Variants in MAPK10 observed in about 807,000 individuals in gnomAD.
MAPK10 encodes JNK3 alpha protein kinase.
MAPK10 carries 25 observed loss-of-function variants against 59.3 expected under a neutral mutation model. The observed-to-expected ratio is 0.42, with a 90% confidence interval of 0.31 to 0.59. The LOEUF is 0.59. Ranked by LOEUF, MAPK10 falls within the 20% of genes least tolerant of loss-of-function variation. The probability of loss-of-function intolerance (pLI) is 0.15; values close to 1 mark genes in which losing one functional copy is unlikely to be tolerated. For missense variants in MAPK10, 351 were observed against 568.9 expected (o/e 0.62, Z 3.90); for synonymous variants, 190 against 200.5 (o/e 0.95, Z 0.44).
intron 6 of MAPK10, 180 bp downstream of exon 6, chr4:86,103,006 A>G (rs1045477427): frequency 2.1e-6 from 1 of 484,174 alleles, no homozygotes; most frequent in South Asian, 3.9e-5. Context: ...TCTTCTTTAC[A>G]TATCACTGGA....
intron 2 of MAPK10, among the ~76,000 whole-genome samples, chr4:86,224,958 G>A (rs899211152): frequency 2.0e-5 from 3 of 152,200 alleles, no homozygotes. Flanking sequence ...ATAGACAGCA[G>A]ATGTTTAGTT....
intron 2 of MAPK10, among the ~76,000 whole-genome samples, chr4:86,253,862 G>A (rs1307136061): frequency 1.8e-5 from 1 of 56,636 alleles, no homozygotes; most frequent in East Asian, 4.0e-4. Context: ...TCCTGTTATT[G>A]GTCTATTCAG....
intron 3 of MAPK10, among the ~76,000 whole-genome samples, chr4:86,174,081 G>A (rs887301097): frequency 1.3e-5 from 2 of 152,156 alleles, no homozygotes; most frequent in East Asian, 3.9e-4. Flanking sequence ...CAAGGATCTA[G>A]AACCGGAAAT....
Position 86,183,205 on chromosome 4 carries a change from T to C in MAPK10, c.66+11131A>G, listed in dbSNP as rs541479130. ...GCACATTGTGCAGGTTAGTTACATATGTATACATGTGCCATGTTGGTGTGC... is the reference window on the plus strand; with the variant it reads ...GCACATTGTGCAGGTTAGTTACATACGTATACATGTGCCATGTTGGTGTGC... On this transcript the variant is annotated intron_variant, in intron 3 of 13. Coordinates refer to ENST00000641462, the MANE Select transcript of MAPK10 (RefSeq NM_138982.4). Among the ~76,000 whole-genome samples the C allele has an allele frequency of 2.6e-4, 40 of 152,178 alleles. No individual in the cohort carries two copies. The South Asian group carries it at 7.1e-3, about 27-fold the overall frequency.
chr4:86,528,294 C>T (rs1292804788), intron 1 of MAPK10, among the ~76,000 whole-genome samples: 1 of 151,342 alleles, frequency 6.6e-6, no homozygotes, highest in African/African-American at 2.4e-5. Context: ...TGATATAGAA[C>T]TAGATGACTA....
chr4:86,490,740 T>A (rs987986288), intron 1 of MAPK10, among the ~76,000 whole-genome samples: 1 of 152,224 alleles, frequency 6.6e-6, no homozygotes, highest in Non-Finnish European at 1.5e-5. Flanking sequence ...CTAATTCATA[T>A]GCTCAAATGA....
At chr4:86,186,684 C>G (rs1017193165) in intron 3 of MAPK10, among the ~76,000 whole-genome samples, 3 of 152,076 alleles carry the variant, frequency 2.0e-5, no homozygotes, top group Non-Finnish European at 2.9e-5. Flanking sequence ...AAGGGAAGCT[C>G]TCTGCTTAAG....
At chr4:86,044,606 A>G (rs2042176424) in intron 11 of MAPK10, 1 of 395,436 alleles carries the variant, frequency 2.5e-6, no homozygotes, top group East Asian at 3.6e-5. Context: ...GGACAGATAT[A>G]TCATATACTA....
chr4:86,189,225 G>A (rs1417684421), intron 3 of MAPK10, among the ~76,000 whole-genome samples: 1 of 152,018 alleles, frequency 6.6e-6, no homozygotes. Context: ...TTGGCTTTAT[G>A]GGCTCTTTTT....
At chr4:86,134,724 G>A (rs896224929) in intron 4 of MAPK10, among the ~76,000 whole-genome samples, 2 of 152,232 alleles carry the variant, frequency 1.3e-5, no homozygotes, top group Admixed American at 6.5e-5. Context: ...ACAGCTCCCA[G>A]CGTGAGCGAC....
chr4:86,292,779 G>T (rs1368605885), intron 2 of MAPK10, among the ~76,000 whole-genome samples: 1 of 152,074 alleles, frequency 6.6e-6, no homozygotes, highest in Non-Finnish European at 1.5e-5. Flanking sequence ...CAAGTCAAAG[G>T]GTGAGGACAG....
intron 2 of MAPK10, among the ~76,000 whole-genome samples, chr4:86,333,136 A>T (rs2096194678): frequency 6.6e-6 from 1 of 152,122 alleles, no homozygotes; most frequent in Non-Finnish European, 1.5e-5. Context: ...AAAACCAACA[A>T]ATTCAATAAC....
chr4:86,111,078 A>G (rs1173368234), intron 4 of MAPK10, among the ~76,000 whole-genome samples: 2 of 152,174 alleles, frequency 1.3e-5, no homozygotes, highest in African/African-American at 4.8e-5. Context: ...TTAAATTTGT[A>G]TCCTGAAAGC....
chr4:86,577,807 CAG>C (rs561736801), intron 1 of MAPK10, among the ~76,000 whole-genome samples: 38 of 151,960 alleles, frequency 2.5e-4, no homozygotes, highest in Admixed American at 7.9e-4. Context: ...ATTGGAAAAA[CAG>C]GGGCATGAAA....
rs893488598 is a variant in MAPK10, at chr4:86,238,543, C to T, written c.-6-44136G>A. ...TCCTTGAGCAGTGGTTTGTAGTTCT[C>T]TTTGAAGATATCCTTCACATCCCTT... On this transcript the variant is annotated intron_variant, in intron 2 of 13. Coordinates refer to ENST00000641462, the MANE Select transcript of MAPK10 (RefSeq NM_138982.4). Among the ~76,000 whole-genome samples the T allele has an allele frequency of 3.7e-4, 56 of 152,028 alleles. 1 individual carries two copies. The highest frequency in any genetic ancestry group is 1.7e-4 in the African/African-American group (7 of 41,376).
chr4:86,581,676 T>TTGTGTG (rs56210798), intron 1 of MAPK10, among the ~76,000 whole-genome samples: 371 of 136,854 alleles, frequency 2.7e-3, no homozygotes, highest in East Asian at 9.7e-3. Flanking sequence ...TTTTCAGTTA[T>TTGTGTG]TGTGTGTGTG....
At chr4:86,226,319 A>G (rs534747033) in intron 2 of MAPK10, among the ~76,000 whole-genome samples, 4 of 152,318 alleles carry the variant, frequency 2.6e-5, no homozygotes, top group Admixed American at 2.6e-4. Flanking sequence ...GCCAGACTTT[A>G]CCCGGTTTCA....
chr4:86,133,497 T>C (rs941184386), intron 4 of MAPK10, among the ~76,000 whole-genome samples: 1 of 152,232 alleles, frequency 6.6e-6, no homozygotes, highest in African/African-American at 2.4e-5. Context: ...AATTTTCCTG[T>C]CTGCAACATA....
intron 1 of MAPK10, among the ~76,000 whole-genome samples, chr4:86,589,849 T>C (rs548192314): frequency 2.0e-5 from 3 of 151,996 alleles, no homozygotes; most frequent in South Asian, 4.2e-4. Context: ...CTGGGCATGG[T>C]GGCAGGCGCC....
Sources: gnomAD v4.1 joint callset for allele counts (sites outside exome capture counted in the v4.1 genomes callset) on GRCh38, gnomAD v4.1.1 for gene constraint, MANE v1.5 for transcripts, NCBI Gene and HGNC (gene_info 2026-07-23, HGNC 2026-07-21) for gene names.